The following SLIT3 variants were observed in gnomAD, a reference collection of about 807,000 sequenced individuals.
The protein encoded by SLIT3 is slit homolog 3 protein.
SLIT3 carries 68 observed loss-of-function variants against 184.0 expected under a neutral mutation model. The observed-to-expected ratio is 0.37, with a 90% CI of 0.30 to 0.45. The LOEUF (loss-of-function observed/expected upper bound fraction) is 0.45, where lower values mean the gene tolerates loss of function less well. Among genes scored for constraint, SLIT3 ranks in the 20% least tolerant of loss-of-function variants. The pLI, the probability that SLIT3 is intolerant of heterozygous loss-of-function variation, is 1.00. For synonymous variants in SLIT3, 831 were observed against 828.6 expected, an observed-to-expected ratio of 1.00 and a Z score of -0.05; for missense variants, 1,707 against 2,026.0, an observed-to-expected ratio of 0.84 and a Z score of 3.02.
chr5:168,806,772 A>G (rs2113633004), intron 8 of SLIT3, among the ~76,000 whole-genome samples, 185 bp from the exon 9 acceptor site: 1 of 152,318 alleles, frequency 6.6e-6, no homozygotes, highest in East Asian at 1.9e-4. Flanking sequence ...AGCAAAGAGG[A>G]GAGAGTCTGA....
rs188488668 is a variant in SLIT3, at chr5:169,175,131, T to C, written c.413+18348A>G. ...TGATGGAAAGCTTGGGTCTGTGTCT[T>C]AGTCATGGGAAGAAGGAACAAAATG... On this transcript the variant is annotated intron_variant, in intron 4 of 35. Coordinates refer to ENST00000519560, the MANE Select transcript of SLIT3 (RefSeq NM_003062.4). Among the ~76,000 whole-genome samples the C allele has an allele frequency of 2.8e-3, 420 of 152,288 alleles. 3 individuals carry two copies. The highest frequency in any genetic ancestry group is 9.7e-3 in the African/African-American group (405 of 41,560).
chr5:169,243,280 C>T (rs906218353), intron 3 of SLIT3, among the ~76,000 whole-genome samples: 1 of 152,100 alleles, frequency 6.6e-6, no homozygotes, highest in Non-Finnish European at 1.5e-5. Flanking sequence ...TCACAAAGGA[C>T]CACGTATTCA....
intron 4 of SLIT3, among the ~76,000 whole-genome samples, chr5:169,181,582 A>G (rs566021519): frequency 3.3e-5 from 5 of 152,158 alleles, no homozygotes; most frequent in Admixed American, 3.3e-4. Context: ...TCTACTAAAA[A>G]TACAAAAAAT....
chr5:169,276,118 C>G (rs565528232), intron 1 of SLIT3, among the ~76,000 whole-genome samples: 1 of 152,110 alleles, frequency 6.6e-6, no homozygotes, highest in Non-Finnish European at 1.5e-5. Flanking sequence ...GAACGCTACA[C>G]GAAATTCACA....
chr5:169,050,440 A>G (rs1166106022), intron 4 of SLIT3, among the ~76,000 whole-genome samples: 1 of 152,176 alleles, frequency 6.6e-6, no homozygotes, highest in East Asian at 1.9e-4. Context: ...CAGCTTACCC[A>G]GCACAAAGTT....
intron 1 of SLIT3, among the ~76,000 whole-genome samples, chr5:169,259,402 A>G (rs1207015708): frequency 6.6e-6 from 1 of 152,156 alleles, no homozygotes; most frequent in East Asian, 1.9e-4. Flanking sequence ...TTAATTTTTC[A>G]CCCACGGGCT....
At chr5:168,984,012 T>G (rs1755039099) in intron 4 of SLIT3, among the ~76,000 whole-genome samples, 1 of 152,230 alleles carries the variant, frequency 6.6e-6, no homozygotes. Flanking sequence ...ATCATGCCAC[T>G]GGATTCCAGC....
In SLIT3 at chr5:168,948,896, T is replaced by C. The variant is rs73310301; in HGVS notation, c.414-65560A>G. 2.4e-3 allele frequency among the ~76,000 whole-genome samples: 367 copies of C among 152,302 alleles called. 4 individuals carry two copies. Among genetic ancestry groups the C allele is most frequent in the African/African-American group, 8.7e-3 (360 of 41,568 alleles). ...TCAGGGCCTGGGATTTGGTCCTTTC[T>C]GGTCATCTGCTGAGTCAACTTTGGG... On this transcript the variant is annotated intron_variant, in intron 4 of 35. Transcript: ENST00000519560.
intron 4 of SLIT3, among the ~76,000 whole-genome samples, chr5:168,987,617 G>C (rs1343592971): frequency 6.6e-6 from 1 of 152,174 alleles, no homozygotes; most frequent in East Asian, 1.9e-4. Flanking sequence ...TCTACCCTTG[G>C]TAACATAATG....
intron 20 of SLIT3, among the ~76,000 whole-genome samples, chr5:168,736,516 G>A (rs1357048970): frequency 6.6e-6 from 1 of 152,224 alleles, no homozygotes. Context: ...GGAGCATGGG[G>A]GATATGAAAA....
chr5:169,261,484 T>G (rs2113613929), intron 1 of SLIT3, among the ~76,000 whole-genome samples: 1 of 152,106 alleles, frequency 6.6e-6, no homozygotes, highest in Non-Finnish European at 1.5e-5. Flanking sequence ...TTTCCTTTCC[T>G]CCCTCTCTCT....
intron 1 of SLIT3, among the ~76,000 whole-genome samples, chr5:169,292,300 G>T (rs756636205): frequency 6.6e-6 from 1 of 152,160 alleles, no homozygotes; most frequent in African/African-American, 2.4e-5. Context: ...ACATACATGC[G>T]TCATATCCTG....
intron 1 of SLIT3, among the ~76,000 whole-genome samples, chr5:169,299,864 G>A (rs1020388938): frequency 2.0e-5 from 3 of 151,914 alleles, no homozygotes; most frequent in African/African-American, 7.3e-5. Flanking sequence ...CGGCCCCTTC[G>A]TTCGGGGAGG....
At chr5:168,847,484 C>G (rs1180989005) in intron 5 of SLIT3, among the ~76,000 whole-genome samples, 1 of 152,330 alleles carries the variant, frequency 6.6e-6, no homozygotes. Flanking sequence ...TACTCCACTT[C>G]CCAGCTCTTA....
chr5:168,734,411 T>A (rs1235477875), intron 20 of SLIT3, among the ~76,000 whole-genome samples: 1 of 152,248 alleles, frequency 6.6e-6, no homozygotes, highest in South Asian at 2.1e-4. Context: ...CCCCATCCCC[T>A]CTGGTGGGGG....
chr5:168,786,857 G>A (rs1756172771), intron 11 of SLIT3, among the ~76,000 whole-genome samples: 1 of 152,128 alleles, frequency 6.6e-6, no homozygotes, highest in Admixed American at 6.5e-5. Flanking sequence ...TGTCTCTTGG[G>A]TCCAGCCTCC....
chr5:168,760,192 G>T (rs931739830), intron 16 of SLIT3, among the ~76,000 whole-genome samples: 3 of 152,200 alleles, frequency 2.0e-5, no homozygotes, highest in African/African-American at 7.2e-5. Context: ...GTGACGCAGG[G>T]AGCATGGTCC....
intron 1 of SLIT3, among the ~76,000 whole-genome samples, chr5:169,287,595 G>A (rs1055168258): frequency 6.6e-6 from 1 of 152,130 alleles, no homozygotes; most frequent in African/African-American, 2.4e-5. Context: ...GGAGGGAGTA[G>A]ACCAGATGAT....
Position 169,028,401 on chromosome 5 carries a change from C to T in SLIT3, c.414-145065G>A, listed in dbSNP as rs144658496. ...AGGCTCCCACAAATCCCATTGTGCG[C>T]TTACCAGCTGGGTGAACTGAGATGA... On this transcript the variant is annotated intron_variant, in intron 4 of 35. Coordinates refer to ENST00000519560, the MANE Select transcript of SLIT3 (RefSeq NM_003062.4). Among the ~76,000 whole-genome samples, 7 of 152,296 alleles carry T rather than the reference C, an allele frequency of 4.6e-5. No homozygotes were observed. The East Asian group carries it at 1.4e-3, about 29-fold the overall frequency.
Sources: gnomAD v4.1 joint callset for allele counts (sites outside exome capture counted in the v4.1 genomes callset) on GRCh38, gnomAD v4.1.1 for gene constraint, MANE v1.5 for transcripts, NCBI Gene and HGNC (gene_info 2026-07-23, HGNC 2026-07-21) for gene names.